The following ARHGEF10L variants were observed in gnomAD, a reference collection of about 807,000 sequenced individuals.
The protein encoded by ARHGEF10L is rho guanine nucleotide exchange factor 10-like protein.
In ARHGEF10L, 69 loss-of-function variants were observed where a neutral mutation model predicts 141.2. The observed-to-expected ratio is 0.49, with a 90% CI of 0.40 to 0.60. ARHGEF10L has a LOEUF of 0.60. ARHGEF10L is among the 20% of genes least tolerant of loss of function. ARHGEF10L has a pLI of 0.00. For missense variants in ARHGEF10L, 1,482 were observed against 1,734.3 expected (o/e 0.85, Z 2.58); for synonymous variants, 711 against 718.5 (o/e 0.99, Z 0.17).
chr1:17,548,354 A>G (rs2076987346), intron 1 of ARHGEF10L, among the ~76,000 whole-genome samples: 1 of 152,216 alleles, frequency 6.6e-6, no homozygotes, highest in South Asian at 2.1e-4. Flanking sequence ...CTTACGTAAC[A>G]TTTTAACAAA....
chr1:17,522,485 C>T, the ARHGEF10L span, among the ~76,000 whole-genome samples: 1 of 151,664 alleles, frequency 6.6e-6, no homozygotes, highest in Non-Finnish European at 1.5e-5. Flanking sequence ...CTCCCCAACC[C>T]CCCGACCCCT....
chr1:17,655,169 G>A (rs192107812), intron 23 of ARHGEF10L, among the ~76,000 whole-genome samples: 1 of 152,180 alleles, frequency 6.6e-6, no homozygotes, highest in East Asian at 1.9e-4. Flanking sequence ...TGCAAATTGT[G>A]CCCTGTCATT....
At chr1:17,564,040 G>C (rs1334584582) in intron 1 of ARHGEF10L, among the ~76,000 whole-genome samples, 1 of 152,186 alleles carries the variant, frequency 6.6e-6, no homozygotes, top group Non-Finnish European at 1.5e-5. Flanking sequence ...GATGCTGCCA[G>C]CCCCAAGGAG....
chr1:17,676,822 CCACTGCT>C (rs1397060011), intron 26 of ARHGEF10L, among the ~76,000 whole-genome samples: 1 of 151,824 alleles, frequency 6.6e-6, no homozygotes, highest in Non-Finnish European at 1.5e-5. Context: ...GCCTTTGCAC[CCACTGCT>C]CTCCCTGCTG....
At chr1:17,564,176 C>T (rs1211629069) in intron 1 of ARHGEF10L, among the ~76,000 whole-genome samples, 2 of 152,194 alleles carry the variant, frequency 1.3e-5, no homozygotes, top group Admixed American at 6.5e-5. Context: ...TCTCAGGTCA[C>T]CCCTGCCTGG....
At chr1:17,585,725 A>C (rs1389658971) in intron 2 of ARHGEF10L, among the ~76,000 whole-genome samples, 1 of 152,090 alleles carries the variant, frequency 6.6e-6, no homozygotes, top group African/African-American at 2.4e-5. Context: ...AGTCCAAGAG[A>C]CTGTTGGAAT....
In ARHGEF10L at chr1:17,697,002, G is replaced by A; in HGVS notation, c.3462G>A (p.Glu1154=). Residue 1154 remains glutamate, a synonymous_variant, in exon 29 of 29, where the codon GAG becomes GAA. Coordinates refer to ENST00000361221, the MANE Select transcript of ARHGEF10L (RefSeq NM_018125.4). This position sits in a 1 kb window ranked among gnomAD's most constrained non-coding sequence, Gnocchi z 4.8. ...ACAAGCCAGACGGGCAGGCACACGA[G>A]CCCATGCCCGATAGCCACGTGGGCC... The part of the protein sequence containing the change: ...EEDKPDGQAH[E]PMPDSHVGRE... 2 of 1,610,118 alleles carry A rather than the reference G, an allele frequency of 1.2e-6. No individual in the cohort carries two copies. The highest frequency in any genetic ancestry group is 1.7e-6 in the Non-Finnish European group (2 of 1,178,740).
intron 1 of ARHGEF10L, among the ~76,000 whole-genome samples, chr1:17,569,378 T>G (rs1483869730): frequency 2.6e-5 from 4 of 152,202 alleles, no homozygotes; most frequent in Admixed American, 2.0e-4. Context: ...TATCCTGGGC[T>G]GTGTGGCTGA....
At chr1:17,596,618 C>T (rs1326282925) in intron 4 of ARHGEF10L, among the ~76,000 whole-genome samples, 1 of 152,234 alleles carries the variant, frequency 6.6e-6, no homozygotes, top group Non-Finnish European at 1.5e-5. Flanking sequence ...TGGGGGTCTC[C>T]TCCCCGACCA....
chr1:17,574,998 G>T (rs2078164514), intron 1 of ARHGEF10L, among the ~76,000 whole-genome samples: 1 of 152,186 alleles, frequency 6.6e-6, no homozygotes, highest in Non-Finnish European at 1.5e-5. Flanking sequence ...AGCTCCCCAG[G>T]TCCAGGGATG....
chr1:17,581,159 C>A (rs2078512758), intron 2 of ARHGEF10L, among the ~76,000 whole-genome samples: 1 of 151,632 alleles, frequency 6.6e-6, no homozygotes, highest in Non-Finnish European at 1.5e-5. Context: ...TACAAAAATA[C>A]AAAAATTAGC....
chr1:17,682,869 G>A (rs2064234245), intron 26 of ARHGEF10L, among the ~76,000 whole-genome samples: 1 of 152,188 alleles, frequency 6.6e-6, no homozygotes, highest in African/African-American at 2.4e-5. Context: ...CACAGGTCTG[G>A]AGGTGCTTGG....
chr1:17,678,242 C>T (rs1271715920), intron 26 of ARHGEF10L, among the ~76,000 whole-genome samples: 2 of 152,096 alleles, frequency 1.3e-5, no homozygotes, highest in African/African-American at 4.8e-5. Flanking sequence ...GCTGCCCAAC[C>T]CTCCGTCCTA....
rs970207522 is a variant in ARHGEF10L at position 17,609,937 on chromosome 1, G to A, written c.609+1960G>A. Reference sequence around the variant, plus strand: ...CCTCTCCATATGGCAGGACCCGTGCGTCCCAGCCCTGCTCTGGGCAGTGTG... The same window carrying A: ...CCTCTCCATATGGCAGGACCCGTGCATCCCAGCCCTGCTCTGGGCAGTGTG... On this transcript the variant is annotated intron_variant, in intron 7 of 28. Coordinates refer to ENST00000361221, the MANE Select transcript of ARHGEF10L (RefSeq NM_018125.4). Among the ~76,000 whole-genome samples, 4 of 152,292 alleles carry A rather than the reference G, an allele frequency of 2.6e-5. No individual in the cohort carries two copies. The South Asian group carries it at 6.2e-4, about 24-fold the overall frequency.
intron 1 of ARHGEF10L, among the ~76,000 whole-genome samples, chr1:17,574,119 T>TGACCCACCCACTCCCCTACTCCCC: frequency 6.6e-6 from 1 of 152,218 alleles, no homozygotes; most frequent in Admixed American, 6.5e-5. Context: ...GGACGCTCCC[T>TGACCCACCCACTCCCCTACTCCCC]GACCCACCCA....
At chr1:17,550,449 C>T (rs1341341266) in intron 1 of ARHGEF10L, among the ~76,000 whole-genome samples, 1 of 151,936 alleles carries the variant, frequency 6.6e-6, no homozygotes, top group African/African-American at 2.4e-5. Flanking sequence ...TTGAGACCAG[C>T]CTGGGCAACA....
chr1:17,607,799 C>A lies in ARHGEF10L; in HGVS notation c.434-3C>A. ...GGCTCACCGGCTGCCGCTTGGCCAG[C>A]AGGGGCAGAGAGGAACCTGCTCTAC... is the stretch of plus-strand genomic sequence containing the variant. On this transcript the variant is annotated splice_polypyrimidine_tract_variant and splice_region_variant and intron_variant, in intron 6 of 28. Coordinates refer to ENST00000361221, the MANE Select transcript of ARHGEF10L (RefSeq NM_018125.4). This position sits in a 1 kb window ranked among gnomAD's most constrained non-coding sequence, Gnocchi z 4.5. The A allele has an allele frequency of 1.3e-6, 2 of 1,567,788 alleles. No homozygotes were observed. Among genetic ancestry groups the A allele is most frequent in the Non-Finnish European group, 8.6e-7 (1 of 1,159,826 alleles).
intron 21 of ARHGEF10L, among the ~76,000 whole-genome samples, chr1:17,646,637 G>A (rs1258675385): frequency 6.6e-6 from 1 of 152,168 alleles, no homozygotes; most frequent in Non-Finnish European, 1.5e-5. Context: ...GAGGAGCAGG[G>A]AGTAGCTGTG....
At chr1:17,678,062 G>A (rs1487248178) in intron 26 of ARHGEF10L, among the ~76,000 whole-genome samples, 5 of 152,158 alleles carry the variant, frequency 3.3e-5, no homozygotes, top group Non-Finnish European at 7.4e-5. Flanking sequence ...GCCGGAAGAT[G>A]CCTGGCCCCC....
Sources: gnomAD v4.1 joint callset for allele counts (sites outside exome capture counted in the v4.1 genomes callset) on GRCh38, gnomAD v4.1.1 for gene constraint, Gnocchi (gnomAD v3.1) non-coding constraint, MANE v1.5 for transcripts, NCBI Gene and HGNC (gene_info 2026-07-23, HGNC 2026-07-21) for gene names.